The following BLTP3B variants were observed in gnomAD, a reference collection of about 807,000 sequenced individuals.
BLTP3B encodes UHRF1 (ICBP90) binding protein 1-like.
At chr12:100,142,083 G>T in the BLTP3B span, among the ~76,000 whole-genome samples, 3 of 152,212 alleles carry the variant, frequency 2.0e-5, no homozygotes, top group Non-Finnish European at 4.4e-5. Flanking sequence ...CAAGGTGGGA[G>T]GAATTCAGAA....
the BLTP3B span, among the ~76,000 whole-genome samples, chr12:100,073,389 G>A: frequency 6.8e-6 from 1 of 147,662 alleles, no homozygotes; most frequent in African/African-American, 2.5e-5. Flanking sequence ...TGGTAGAGAC[G>A]GGGTTTCGCC....
the BLTP3B span, among the ~76,000 whole-genome samples, chr12:100,116,425 G>A: frequency 6.9e-6 from 1 of 145,468 alleles, no homozygotes; most frequent in South Asian, 2.2e-4. Context: ...CTCCAGCCTG[G>A]GCAACAGAGC....
chr12:100,058,554 G>A, the BLTP3B span: 1 of 1,611,246 alleles, frequency 6.2e-7, no homozygotes, highest in Non-Finnish European at 8.5e-7. Flanking sequence ...TTTTCTTTTT[G>A]AAGACAAAAA....
At chr12:100,059,319 A>G in the BLTP3B span, 1 of 1,614,072 alleles carries the variant, frequency 6.2e-7, no homozygotes, top group African/African-American at 1.3e-5. Context: ...AATTGGATGT[A>G]GAAGATTAAA....
the BLTP3B span, among the ~76,000 whole-genome samples, chr12:100,141,396 T>A: frequency 6.8e-6 from 1 of 147,698 alleles, no homozygotes; most frequent in Non-Finnish European, 1.5e-5. Flanking sequence ...TATGTATGTG[T>A]ATATATGTGT....
At chr12:100,048,357 A>G in the BLTP3B span, among the ~76,000 whole-genome samples, 1 of 152,180 alleles carries the variant, frequency 6.6e-6, no homozygotes, top group Non-Finnish European at 1.5e-5. Context: ...ACTAATTTCA[A>G]TATTTTATGG....
chr12:100,099,229 G>T, the BLTP3B span, among the ~76,000 whole-genome samples: 2 of 151,764 alleles, frequency 1.3e-5, no homozygotes, highest in African/African-American at 4.8e-5. Flanking sequence ...CCTGTCCTCA[G>T]ATGATCTGCC....
the BLTP3B span, among the ~76,000 whole-genome samples, chr12:100,083,509 T>A: frequency 2.6e-5 from 4 of 152,188 alleles, no homozygotes; most frequent in Admixed American, 6.5e-5. Flanking sequence ...AATTCTAGCA[T>A]TTATAGGGTG....
the BLTP3B span, among the ~76,000 whole-genome samples, chr12:100,123,224 C>T: frequency 6.6e-6 from 1 of 152,156 alleles, no homozygotes; most frequent in African/African-American, 2.4e-5. Context: ...ATGTGGCAGA[C>T]ACCAATCTGG....
At chr12:100,142,501 G>A in the BLTP3B span, 3 of 1,423,878 alleles carry the variant, frequency 2.1e-6, no homozygotes, top group Admixed American at 2.0e-5. Context: ...CCGCACAGCC[G>A]CCAGGCGCCG....
At chr12:100,132,808 C>T in the BLTP3B span, among the ~76,000 whole-genome samples, 4 of 151,790 alleles carry the variant, frequency 2.6e-5, no homozygotes, top group Non-Finnish European at 4.4e-5. Flanking sequence ...ATTAGCCAGG[C>T]GTGGTGGCAC....
At chr12:100,080,481 G>A in the BLTP3B span, among the ~76,000 whole-genome samples, 1 of 151,910 alleles carries the variant, frequency 6.6e-6, no homozygotes, top group Non-Finnish European at 1.5e-5. Flanking sequence ...TGACATGTAT[G>A]TGAAACATGG....
chr12:100,085,999 C>T, the BLTP3B span, among the ~76,000 whole-genome samples: 7 of 151,656 alleles, frequency 4.6e-5, no homozygotes, highest in Admixed American at 2.6e-4. Context: ...TCCTCTGTAC[C>T]CTGATTTTTT....
the BLTP3B span, chr12:100,072,821 G>C: frequency 6.3e-7 from 1 of 1,581,348 alleles, no homozygotes; most frequent in South Asian, 1.2e-5. Flanking sequence ...GACCTGAAAA[G>C]ATAAATAAGT....
At chr12:100,054,486 T>C in the BLTP3B span, among the ~76,000 whole-genome samples, 1 of 152,190 alleles carries the variant, frequency 6.6e-6, no homozygotes, top group South Asian at 2.1e-4. Flanking sequence ...ATAAAATCAC[T>C]GATGCTTTCA....
the BLTP3B span, among the ~76,000 whole-genome samples, chr12:100,094,485 T>G: frequency 6.6e-6 from 1 of 152,180 alleles, no homozygotes; most frequent in Non-Finnish European, 1.5e-5. Flanking sequence ...TGATATTCAT[T>G]TTTACATCAG....
At chr12:100,058,330 G>A in the BLTP3B span, 2 of 1,613,696 alleles carry the variant, frequency 1.2e-6, no homozygotes, top group African/African-American at 2.7e-5. Flanking sequence ...TTGTAAACAA[G>A]TCCACTACTT....
chr12:100,134,344 C>T, the BLTP3B span, among the ~76,000 whole-genome samples: 4 of 152,146 alleles, frequency 2.6e-5, no homozygotes, highest in Non-Finnish European at 4.4e-5. Flanking sequence ...GTGGCTCAGG[C>T]CTGTAATCCC....
At chr12:100,137,603 G>A in the BLTP3B span, among the ~76,000 whole-genome samples, 1 of 152,250 alleles carries the variant, frequency 6.6e-6, no homozygotes, top group African/African-American at 2.4e-5. Flanking sequence ...ACAGGCATGA[G>A]CCACCACACC....
Sources: gnomAD v4.1 joint callset for allele counts (sites outside exome capture counted in the v4.1 genomes callset) on GRCh38, gnomAD v4.1.1 for gene constraint, MANE v1.5 for transcripts, NCBI Gene and HGNC (gene_info 2026-07-23, HGNC 2026-07-21) for gene names.